Variants in AZIN1 observed in about 807,000 individuals in gnomAD.
The protein encoded by AZIN1 is ornithine decarboxylase antizyme inhibitor.
In AZIN1, 12 loss-of-function variants were observed where a neutral mutation model predicts 47.4. The ratio of observed to expected loss-of-function variants is 0.25; its 90% CI spans 0.16 to 0.41. The LOEUF (loss-of-function observed/expected upper bound fraction) is 0.41, where lower values mean the gene tolerates loss of function less well. AZIN1 is among the 10% of genes least tolerant of loss of function. The pLI, the probability that AZIN1 is intolerant of heterozygous loss-of-function variation, is 1.00. For missense variants in AZIN1, 410 were observed against 532.4 expected (o/e 0.77, Z 2.26); for synonymous variants, 155 against 176.3 (o/e 0.88, Z 0.96).
At chr8:102,840,260 A>G (rs1190430562) in intron 3 of AZIN1, among the ~76,000 whole-genome samples, 1 of 152,260 alleles carries the variant, frequency 6.6e-6, no homozygotes, top group Non-Finnish European at 1.5e-5. Flanking sequence ...ATGCTAAATA[A>G]AACAAGCTAT....
chr8:102,844,461 C>A (rs752421126), intron 2 of AZIN1, among the ~76,000 whole-genome samples: 5 of 152,052 alleles, frequency 3.3e-5, no homozygotes, highest in Non-Finnish European at 5.9e-5. Context: ...TTACCTCAAG[C>A]TAAAATAGTA....
intron 7 of AZIN1, 65 bp downstream of exon 7, chr8:102,834,601 T>G (rs1441936554): frequency 7.8e-7 from 1 of 1,278,018 alleles, no homozygotes; most frequent in African/African-American, 1.5e-5. Flanking sequence ...CAGAAAATAC[T>G]TAGTCTTTAA....
Position 102,834,658 on chromosome 8 carries a change from G to C in AZIN1, c.666+8C>G. 6.3e-7 allele frequency: 1 copy of C among 1,580,388 alleles called. No individual in the cohort carries two copies. The highest frequency in any genetic ancestry group is 8.6e-7 in the Non-Finnish European group (1 of 1,158,140). ...AAATATCAAAATAACTTAAAAGAAA[G>C]AACTTACAGCCATGTCAAACACACA... On this transcript the variant is annotated splice_region_variant and intron_variant, in intron 7 of 11. Coordinates refer to ENST00000337198, the MANE Select transcript of AZIN1 (RefSeq NM_148174.4).
At chr8:102,853,272 A>G (rs1813039746) in intron 2 of AZIN1, among the ~76,000 whole-genome samples, 1 of 152,264 alleles carries the variant, frequency 6.6e-6, no homozygotes, top group Non-Finnish European at 1.5e-5. Flanking sequence ...TGGGAGGCCA[A>G]GGAAGGCGGA....
At chr8:102,840,983 A>AC (rs3837180) in intron 3 of AZIN1, among the ~76,000 whole-genome samples, 56,973 of 151,838 alleles carry the variant, frequency 0.38, 11,640 homozygotes, top group South Asian at 0.46. Context: ...TACGGGAACC[A>AC]CAAGAGAAAT....
chr8:102,837,692 A>C (rs1811908373), intron 5 of AZIN1, among the ~76,000 whole-genome samples: 1 of 152,242 alleles, frequency 6.6e-6, no homozygotes. Flanking sequence ...GCTTTTATCC[A>C]CACAAAGATT....
chr8:102,860,926 T>C lies in AZIN1; in HGVS notation c.-233-2776A>G, dbSNP rs539417320. Among the ~76,000 whole-genome samples, 3 of 152,104 alleles carry C rather than the reference T, an allele frequency of 2.0e-5. No individual in the cohort carries two copies. In the South Asian group the frequency reaches 6.2e-4, roughly 32 times the overall value. On this transcript the variant is annotated intron_variant, in intron 1 of 11. Coordinates refer to ENST00000337198, the MANE Select transcript of AZIN1 (RefSeq NM_148174.4). ...GCACTTTTCTAGACTGTGATGGTAA[T>C]GAAAAACAAAGGAAGACTGAGAAAC...
At chr8:102,846,524 T>A (rs1812579799) in intron 2 of AZIN1, among the ~76,000 whole-genome samples, 1 of 152,216 alleles carries the variant, frequency 6.6e-6, no homozygotes, top group South Asian at 2.1e-4. Context: ...TCCATTGATA[T>A]ACTGAGGAAT....
Position 102,847,013 on chromosome 8 carries a change from A to G in AZIN1, c.-95-3266T>C, listed in dbSNP as rs147184448. On this transcript the variant is annotated intron_variant, in intron 2 of 11. Coordinates refer to ENST00000337198, the MANE Select transcript of AZIN1 (RefSeq NM_148174.4). Reference sequence around the variant, plus strand: ...AAAAATATGACCTCTTCTAAAGGAAAGATAAAATGTTTGTGGAGTTGACTA... The same window carrying G: ...AAAAATATGACCTCTTCTAAAGGAAGGATAAAATGTTTGTGGAGTTGACTA... Among the ~76,000 whole-genome samples the G allele has an allele frequency of 8.6e-3, 1,311 of 152,354 alleles. 25 individuals are homozygous for G. The highest frequency in any genetic ancestry group is 0.04 in the South Asian group (191 of 4,830).
Position 102,836,386 on chromosome 8 carries a change from A to C in AZIN1, c.454T>G (p.Leu152Val), listed in dbSNP as rs1811824657. 1 of 1,613,656 alleles carries C rather than the reference A, an allele frequency of 6.2e-7. No homozygotes were observed. The highest frequency in any genetic ancestry group is 1.1e-5 in the South Asian group (1 of 90,998). Reference sequence around the variant, plus strand: ...TTATCTTCTGTTGCAATATGTAGTAAGACCCTAAGAGAAGGGGAGATGATT... The same window carrying C: ...TTATCTTCTGTTGCAATATGTAGTACGACCCTAAGAGAAGGGGAGATGATT... ...IARNHPNAKV[L>V]LHIATEDNIG... Residue 152 changes from leucine (L) to valine (V), a missense_variant, in exon 6 of 12, where the codon TTA (leucine) becomes GTA (valine). Coordinates refer to ENST00000337198, the MANE Select transcript of AZIN1 (RefSeq NM_148174.4).
intron 5 of AZIN1, 49 bp downstream of exon 5, chr8:102,838,695 A>C: frequency 6.7e-7 from 1 of 1,489,104 alleles, no homozygotes; most frequent in Non-Finnish European, 9.2e-7. Flanking sequence ...GACAAACCCA[A>C]CCCTCTAAGT....
chr8:102,841,206 G>C (rs2131228182), intron 3 of AZIN1, among the ~76,000 whole-genome samples: 1 of 152,324 alleles, frequency 6.6e-6, no homozygotes, highest in African/African-American at 2.4e-5. Flanking sequence ...AAGACGGATA[G>C]ATAGTGGGAA....
chr8:102,857,410 C>T (rs1465084256), intron 2 of AZIN1, among the ~76,000 whole-genome samples: 1 of 151,922 alleles, frequency 6.6e-6, no homozygotes, highest in African/African-American at 2.4e-5. Context: ...AATGAACCCA[C>T]ACAAATCTAG....
intron 2 of AZIN1, among the ~76,000 whole-genome samples, chr8:102,857,605 G>T (rs1563550982): frequency 6.6e-6 from 1 of 151,604 alleles, no homozygotes; most frequent in Non-Finnish European, 1.5e-5. Context: ...TATAAATTGA[G>T]ATATATATAT....
chr8:102,858,837 A>G (rs1813450502), intron 1 of AZIN1, among the ~76,000 whole-genome samples: 1 of 152,268 alleles, frequency 6.6e-6, no homozygotes, highest in Admixed American at 6.5e-5. Flanking sequence ...AATAAATGTG[A>G]TAAGTGCACA....
intron 1 of AZIN1, among the ~76,000 whole-genome samples, chr8:102,858,669 G>C (rs1439241167): frequency 6.6e-6 from 1 of 152,012 alleles, no homozygotes; most frequent in South Asian, 2.1e-4. Flanking sequence ...AAGATTTTAT[G>C]ACTTAGCTAA....
intron 2 of AZIN1, among the ~76,000 whole-genome samples, chr8:102,845,151 C>T (rs1812492076): frequency 6.6e-6 from 1 of 151,978 alleles, no homozygotes; most frequent in African/African-American, 2.4e-5. Context: ...CTCCACCCTC[C>T]CTAATGCCCC....
chr8:102,844,648 AAT>A (rs1491079159), intron 2 of AZIN1, among the ~76,000 whole-genome samples: 1 of 148,686 alleles, frequency 6.7e-6, no homozygotes, highest in Admixed American at 6.7e-5. Context: ...AAAAAAAAAA[AAT>A]CATAGAGCAT....
At chr8:102,848,323 CAAAAA>C (rs60663839) in intron 2 of AZIN1, among the ~76,000 whole-genome samples, 1,372 of 91,604 alleles carry the variant, frequency 0.015, 25 homozygotes, top group African/African-American at 0.049. Flanking sequence ...ACTAAAAGGC[CAAAAA>C]AAAAAAAAAA....
Sources: gnomAD v4.1 joint callset for allele counts (sites outside exome capture counted in the v4.1 genomes callset) on GRCh38, gnomAD v4.1.1 for gene constraint, MANE v1.5 for transcripts, NCBI Gene and HGNC (gene_info 2026-07-23, HGNC 2026-07-21) for gene names.